Variants in IPO8 observed in about 807,000 individuals in gnomAD.
IPO8 encodes importin 8.
A neutral mutation model predicts 141.2 loss-of-function variants in IPO8; 65 were observed. The observed-to-expected ratio is 0.46, with a 90% CI of 0.38 to 0.57. IPO8 has a LOEUF of 0.57. Ranked by LOEUF, IPO8 falls within the 20% of genes least tolerant of loss-of-function variation. IPO8 has a pLI of 0.00. For missense variants in IPO8, 980 were observed against 1,246.8 expected, an observed-to-expected ratio of 0.79 and a Z score of 3.22; for synonymous variants, 411 against 420.3, an observed-to-expected ratio of 0.98 and a Z score of 0.27.
At chr12:30,676,870 C>T (rs1024272734) in intron 5 of IPO8, 1 of 1,396,384 alleles carries the variant, frequency 7.2e-7, no homozygotes, top group Non-Finnish European at 9.8e-7. Flanking sequence ...GCATGAGATT[C>T]TAAGTGAGTG....
intron 20 of IPO8, among the ~76,000 whole-genome samples, chr12:30,647,161 C>G (rs3910562): frequency 6.6e-6 from 1 of 151,942 alleles, no homozygotes; most frequent in Non-Finnish European, 1.5e-5. Flanking sequence ...CCTCACATTA[C>G]AGTCAACTGA....
chr12:30,688,358 A>G (rs1475595004), intron 2 of IPO8: 1 of 403,078 alleles, frequency 2.5e-6, no homozygotes, highest in Admixed American at 3.3e-5. Flanking sequence ...AAGGACATTC[A>G]CCAGTGAGCA....
intron 10 of IPO8, among the ~76,000 whole-genome samples, chr12:30,668,665 C>A (rs576821735): frequency 6.6e-6 from 1 of 152,232 alleles, no homozygotes; most frequent in South Asian, 2.1e-4. Flanking sequence ...ATAAATCAGG[C>A]CACCTACACA....
intron 9 of IPO8, among the ~76,000 whole-genome samples, chr12:30,669,643 A>C (rs2053020556): frequency 6.6e-6 from 1 of 152,004 alleles, no homozygotes; most frequent in Non-Finnish European, 1.5e-5. Context: ...AATACATAAA[A>C]ACGTAGCCAA....
intron 22 of IPO8, among the ~76,000 whole-genome samples, chr12:30,635,223 TG>T (rs1225812594): frequency 7.0e-6 from 1 of 143,486 alleles, no homozygotes; most frequent in Non-Finnish European, 1.5e-5. Context: ...ATTAGGTTTT[TG>T]TTTTGTTTTG....
In IPO8 at chr12:30,629,520, G is replaced by A. The variant is rs2052402239; in HGVS notation, c.*1340C>T. 6.6e-6 allele frequency: 1 copy of A among 152,152 alleles called. No individual in the cohort carries two copies. The highest frequency in any genetic ancestry group is 6.5e-5 in the Admixed American group (1 of 15,270). The allele number at this position is 152,152 out of a possible 1,614,324, so 9.4% of individuals were successfully genotyped here. A position where few individuals can be genotyped will look rare whatever the true frequency, so the allele number is the denominator to read the frequency against. ...GAAAAAAATTCCTCCAGTCACTGAT[G>A]GGAAATTTAAGCTGTGAATTTTTGT... is the stretch of plus-strand genomic sequence containing the variant. On this transcript the variant is annotated 3_prime_UTR_variant, in exon 25 of 25. Transcript: ENST00000256079.
chr12:30,693,444 C>T (rs953918148), intron 1 of IPO8, among the ~76,000 whole-genome samples: 7 of 152,134 alleles, frequency 4.6e-5, no homozygotes, highest in Admixed American at 1.3e-4. Flanking sequence ...TTTTTCTAAA[C>T]GGCAATTGAC....
At chr12:30,692,575 T>A (rs2053301017) in intron 1 of IPO8, among the ~76,000 whole-genome samples, 1 of 152,226 alleles carries the variant, frequency 6.6e-6, no homozygotes, top group Non-Finnish European at 1.5e-5. Flanking sequence ...TTTCTGCAAA[T>A]ACGCAGTTTG....
At chr12:30,688,224 A>G in intron 2 of IPO8, 1 of 230,326 alleles carries the variant, frequency 4.3e-6, no homozygotes, top group South Asian at 4.6e-5. Context: ...TAATAATGCT[A>G]TTATGCTTAT....
At chr12:30,648,847 T>C (rs2052684542) in intron 20 of IPO8, among the ~76,000 whole-genome samples, 1 of 152,124 alleles carries the variant, frequency 6.6e-6, no homozygotes, top group Non-Finnish European at 1.5e-5. Context: ...AAAGGGAACA[T>C]GAAATCTCTG....
At chr12:30,652,143 G>T in intron 19 of IPO8, 49 bp downstream of exon 19, 1 of 1,040,954 alleles carries the variant, frequency 9.6e-7, no homozygotes, top group Non-Finnish European at 1.5e-6. Context: ...AGCAAAACAG[G>T]CAAACATTAG....
At chr12:30,643,373 C>T (rs2052599637) in intron 20 of IPO8, among the ~76,000 whole-genome samples, 1 of 152,150 alleles carries the variant, frequency 6.6e-6, no homozygotes, top group African/African-American at 2.4e-5. Flanking sequence ...CAATACAGTC[C>T]TTCAGCTGTA....
rs75515816 is a variant in IPO8 at position 30,666,081 on chromosome 12, A to T, written c.1221+94T>A. 1.4e-3 allele frequency: 1,242 copies of T among 858,188 alleles called. 2 individuals are homozygous for T. The highest frequency in any genetic ancestry group is 2.1e-3 in the Non-Finnish European group (1,187 of 563,814). 53.2% of individuals were successfully genotyped at this position (858,188 alleles called of 1,614,324 possible). A position where few individuals can be genotyped will look rare whatever the true frequency, so the allele number is the denominator to read the frequency against. ...TTAAGGTGACAAATTATAACGAATAACAACATAATTTCTCAAATACTAGGG... is the reference window on the plus strand; with the variant it reads ...TTAAGGTGACAAATTATAACGAATATCAACATAATTTCTCAAATACTAGGG... On this transcript the variant is annotated intron_variant, in intron 11 of 24. Transcript: ENST00000256079.
chr12:30,639,493 G>C (rs760106437), intron 21 of IPO8, 22 bp downstream of exon 21: 1 of 1,522,376 alleles, frequency 6.6e-7, no homozygotes, highest in Admixed American at 1.7e-5. Flanking sequence ...GAAAAGCAGT[G>C]TAAAATCCAA....
Position 30,674,729 on chromosome 12 carries a change from C to T in IPO8, c.754G>A (p.Asp252Asn). Reference protein sequence around the residue: ...PPETLHIDEDDRPELVWWKCK... With the variant: ...PPETLHIDEDNRPELVWWKCK... ...TTCCACCATACCAGTTCTGGTCTAT[C>T]ATCCTCATCAATGTGCAGAGTCTCC... The change falls in exon 7 of 25, where the codon GAT (aspartate) becomes AAT (asparagine). Residue 252 changes from aspartate to asparagine, a missense_variant. Asp to Asn is a conservative substitution (Grantham distance 23). This residue lies in a region of IPO8 where 924 missense variants were observed against 1,153.9 expected (regional missense o/e 0.80). Transcript: ENST00000256079. 6.2e-7 allele frequency: 1 copy of T among 1,613,278 alleles called. No individual in the cohort carries two copies. Among genetic ancestry groups the T allele is most frequent in the Non-Finnish European group, 8.5e-7 (1 of 1,179,306 alleles).
Position 30,661,152 on chromosome 12 carries a change from C to A in IPO8, c.1870G>T (p.Asp624Tyr). ...TIDTILTVVE[D>Y]HKEITQQLEN... is the part of the protein sequence containing the mutation. ...CAAAGAAATCTCACCTCTTTATGAT[C>A]TTCTACAACTGTTAAGATAGTATCA... The change falls in exon 16 of 25, where the codon GAT becomes TAT. Residue 624 changes from aspartate (D) to tyrosine (Y), a missense_variant. Coordinates refer to ENST00000256079, the MANE Select transcript of IPO8 (RefSeq NM_006390.4). 1.3e-6 allele frequency: 2 copies of A among 1,552,500 alleles called. No individual in the cohort carries two copies. The highest frequency in any genetic ancestry group is 1.2e-5 in the South Asian group (1 of 82,262).
intron 15 of IPO8, among the ~76,000 whole-genome samples, 160 bp from the exon 16 acceptor site, chr12:30,661,426 C>G (rs1019563599): frequency 6.6e-6 from 1 of 152,096 alleles, no homozygotes; most frequent in Non-Finnish European, 1.5e-5. Context: ...CTTAAAATAA[C>G]AGAACTTGTC....
intron 13 of IPO8, among the ~76,000 whole-genome samples, chr12:30,664,792 T>G (rs1184657345): frequency 6.6e-6 from 1 of 151,988 alleles, no homozygotes; most frequent in Non-Finnish European, 1.5e-5. Flanking sequence ...CAGGCTGGAG[T>G]GCAGTGGCAC....
chr12:30,673,966 A>G, intron 8 of IPO8, 24 bp downstream of exon 8: 3 of 1,448,726 alleles, frequency 2.1e-6, no homozygotes, highest in Non-Finnish European at 2.9e-6. Flanking sequence ...CCATTATTCT[A>G]TTTTAAAAGC....
Sources: allele counts gnomAD v4.1 joint callset (sites outside exome capture counted in the v4.1 genomes callset), GRCh38; gene constraint gnomAD v4.1.1; regional missense constraint gnomAD v4.1.1; transcripts MANE v1.5; gene names NCBI Gene and HGNC (gene_info 2026-07-23, HGNC 2026-07-21).